The following HNRNPH1 variants were observed in gnomAD, a reference collection of about 807,000 sequenced individuals.
HNRNPH1 encodes the protein heterogeneous nuclear ribonucleoprotein H1.
Under a neutral mutation model 58.6 loss-of-function variants are expected in HNRNPH1, and 4 were observed. That is an observed-to-expected ratio of 0.07 (90% CI 0.03 to 0.16). The LOEUF (loss-of-function observed/expected upper bound fraction) is 0.16. HNRNPH1 is among the 10% of genes least tolerant of loss of function. HNRNPH1 has a pLI of 1.00. For synonymous variants in HNRNPH1, 192 were observed against 189.2 expected (o/e 1.01, Z -0.12); for missense variants, 271 against 564.2 (o/e 0.48, Z 5.26).
At chr5:179,628,152 A>G (rs1774539857), upstream of HNRNPH1, among the ~76,000 whole-genome samples, 1 of 151,962 alleles carries the variant, frequency 6.6e-6, no homozygotes, top group Admixed American at 6.6e-5. Context: ...TTGGACATAT[A>G]GAAGTTTTAA....
intron 2 of HNRNPH1, among the ~76,000 whole-genome samples, chr5:179,632,097 GAGAT>G (rs1313490997): frequency 6.6e-6 from 1 of 152,052 alleles, no homozygotes; most frequent in African/African-American, 2.4e-5. Flanking sequence ...ACGAGGTCAG[GAGAT>G]CGAGACCATC....
exon 13 of HNRNPH1, chr5:179,614,710 C>A (rs1768607598): frequency 8.5e-6 from 5 of 587,444 alleles, no homozygotes; most frequent in Non-Finnish European, 1.5e-5. Flanking sequence ...TCATAACAAT[C>A]CTGATTTCCA....
intron 3 of HNRNPH1, 51 bp from the exon 5 acceptor site, chr5:179,619,458 A>G (rs745681897): frequency 6.5e-7 from 1 of 1,526,880 alleles, no homozygotes; most frequent in Non-Finnish European, 8.9e-7. Context: ...TTAACATCAC[A>G]AGCCCAGAAA....
exon 1 of HNRNPH1, chr5:179,624,449 G>A: frequency 2.5e-6 from 1 of 398,314 alleles, no homozygotes; most frequent in Non-Finnish European, 4.4e-6. Context: ...GGCAGGCCTT[G>A]ACTGCCCTGG....
chr5:179,614,401 GAATT>G (rs1581608662), exon 13 of HNRNPH1: 1 of 148,066 alleles, frequency 6.8e-6, no homozygotes, highest in East Asian at 2.0e-4. Context: ...AATGAAACTA[GAATT>G]AACAAACATG....
intron 4 of HNRNPH1, 105 bp downstream of exon 5, chr5:179,619,164 A>G (rs1444819729): frequency 2.0e-6 from 2 of 989,024 alleles, no homozygotes; most frequent in African/African-American, 3.3e-5. Context: ...AACATCAATT[A>G]CCTAGGACTA....
chr5:179,629,120 AC>A (rs1774629476), upstream of HNRNPH1: 1 of 149,406 alleles, frequency 6.7e-6, no homozygotes, highest in Non-Finnish European at 1.5e-5. Context: ...ACACAGTGAA[AC>A]CCCGTCTCTA....
exon 11 of HNRNPH1, chr5:179,616,149 C>T (rs1404138100): frequency 1.2e-6 from 2 of 1,613,984 alleles, no homozygotes; most frequent in East Asian, 4.5e-5. Flanking sequence ...GCTGCTCTGG[C>T]CACCGTAGCC....
chr5:179,617,819 T>C, exon 7 of HNRNPH1: 1 of 1,613,954 alleles, frequency 6.2e-7, no homozygotes, highest in South Asian at 1.1e-5. Context: ...TCATTCTCAG[T>C]AGCTCTGTAA....
intron 8 of HNRNPH1, 184 bp downstream of exon 9, chr5:179,617,330 T>C (rs1379256789): frequency 1.7e-5 from 13 of 753,872 alleles, no homozygotes; most frequent in Middle Eastern, 7.8e-4. Context: ...GATGTGCATA[T>C]CACAAATCCG....
intron 9 of HNRNPH1, 38 bp downstream of exon 10, chr5:179,617,013 A>T (rs774110755): frequency 6.2e-7 from 1 of 1,605,780 alleles, no homozygotes; most frequent in South Asian, 1.1e-5. Flanking sequence ...CACTAAAGTG[A>T]TATTTACACA....
chr5:179,615,255 C>T, intron 12 of HNRNPH1: 4 of 429,966 alleles, frequency 9.3e-6, no homozygotes, highest in East Asian at 3.6e-5. Context: ...TGCAAAATTA[C>T]TTCGTATTTT....
At chr5:179,622,528 T>G (rs1180108261) in intron 1 of HNRNPH1, among the ~76,000 whole-genome samples, 5 of 151,956 alleles carry the variant, frequency 3.3e-5, no homozygotes, top group African/African-American at 7.3e-5. Context: ...CTGGCCAAAA[T>G]AGTGAAACCC....
At chr5:179,616,181 C>G in exon 11 of HNRNPH1, 1 of 1,614,222 alleles carries the variant, frequency 6.2e-7, no homozygotes, top group African/African-American at 1.3e-5. Flanking sequence ...CCCCACTCAG[C>G]TGCTGGCTGG....
chr5:179,615,009 CAAATA>C, intron 12 of HNRNPH1, 50 bp from the exon 14 acceptor site: 1 of 1,070,520 alleles, frequency 9.3e-7, no homozygotes, highest in Non-Finnish European at 1.4e-6. Context: ...GACTACCAGT[CAAATA>C]AAATATAGTA....
chr5:179,614,597 A>T (rs1202541976), exon 13 of HNRNPH1: 2 of 329,814 alleles, frequency 6.1e-6, no homozygotes, highest in Non-Finnish European at 1.1e-5. Context: ...CCTATAACTA[A>T]CTTGAGAAAA....
chr5:179,625,504 A>C (rs1581760602), upstream of HNRNPH1, among the ~76,000 whole-genome samples: 1 of 151,172 alleles, frequency 6.6e-6, no homozygotes, highest in East Asian at 1.9e-4. Flanking sequence ...AAAAAAAAAA[A>C]AAAATTAGCC....
chr5:179,615,076 T>C, intron 12 of HNRNPH1, 117 bp from the exon 14 acceptor site: 1 of 683,908 alleles, frequency 1.5e-6, no homozygotes, highest in Middle Eastern at 3.0e-4. Flanking sequence ...GCTGTCCAAG[T>C]GGCGAGACGC....
chr5:179,618,555 A>G (rs1770879906), intron 4 of HNRNPH1: 2 of 390,868 alleles, frequency 5.1e-6, no homozygotes, highest in Non-Finnish European at 9.1e-6. Context: ...TCTGAGGCAG[A>G]GCCCAACCTT....
Sources: allele counts gnomAD v4.1 joint callset (sites outside exome capture counted in the v4.1 genomes callset), GRCh38; gene constraint gnomAD v4.1.1; transcripts MANE v1.5; gene names NCBI Gene and HGNC (gene_info 2026-07-23, HGNC 2026-07-21).